Variants in SLC15A2 observed in about 807,000 individuals in gnomAD.
SLC15A2 encodes the protein solute carrier family 15 member 2.
Under a neutral mutation model 95.5 loss-of-function variants are expected in SLC15A2, and 77 were observed. The observed-to-expected ratio is 0.81, with a 90% CI of 0.67 to 0.97. The LOEUF (loss-of-function observed/expected upper bound fraction) is 0.97, where lower values mean the gene tolerates loss of function less well. Among genes scored for constraint, SLC15A2 ranks in the 50% least tolerant of loss-of-function variants. The pLI, the probability that SLC15A2 is intolerant of heterozygous loss-of-function variation, is 0.00. For synonymous variants in SLC15A2, 306 were observed against 306.9 expected (o/e 1.00, Z 0.03); for missense variants, 893 against 874.4 (o/e 1.02, Z -0.27).
At chr3:121,906,174 T>C (rs1709638264) in intron 3 of SLC15A2, among the ~76,000 whole-genome samples, 1 of 152,206 alleles carries the variant, frequency 6.6e-6, no homozygotes, top group South Asian at 2.1e-4. Flanking sequence ...TTGCAACCCC[T>C]GCTTTTTTTT....
intron 3 of SLC15A2, among the ~76,000 whole-genome samples, chr3:121,899,615 A>G (rs191672952): frequency 3.2e-4 from 48 of 152,296 alleles, no homozygotes; most frequent in African/African-American, 1.2e-3. Context: ...GTAATATAAT[A>G]TAATGCAATA....
rs550684269 is a variant in SLC15A2, at chr3:121,901,153, G to A, written c.335+3624G>A. ...CCTGCCTCAGCCTCCTGAGTATCTG[G>A]GATTATATGCATGTACCACCATGCC... On this transcript the variant is annotated intron_variant, in intron 3 of 21. Transcript: ENST00000489711. Among the ~76,000 whole-genome samples, 7 of 152,044 alleles carry A rather than the reference G, an allele frequency of 4.6e-5. No homozygotes were observed. In the South Asian group the frequency reaches 1.5e-3, roughly 32 times the overall value.
intron 3 of SLC15A2, among the ~76,000 whole-genome samples, chr3:121,902,524 G>C (rs1179629899): frequency 6.6e-6 from 1 of 152,136 alleles, no homozygotes; most frequent in African/African-American, 2.4e-5. Flanking sequence ...TCCACCCCAT[G>C]ACAGGCCCCC....
chr3:121,920,389 A>T (rs1365128909), intron 7 of SLC15A2, among the ~76,000 whole-genome samples: 1 of 152,062 alleles, frequency 6.6e-6, no homozygotes, highest in Non-Finnish European at 1.5e-5. Context: ...TCCGCCTCTG[A>T]GGTTCAAGTG....
chr3:121,918,561 G>GT (rs1269765269), intron 7 of SLC15A2, among the ~76,000 whole-genome samples: 2 of 149,560 alleles, frequency 1.3e-5, no homozygotes, highest in Non-Finnish European at 3.0e-5. Flanking sequence ...GAAGAGTAAG[G>GT]TTAAAAAAAA....
intron 19 of SLC15A2, among the ~76,000 whole-genome samples, chr3:121,935,872 A>T (rs1466508475): frequency 6.6e-6 from 1 of 151,712 alleles, no homozygotes; most frequent in Non-Finnish European, 1.5e-5. Context: ...GTCAATTTTG[A>T]ATCTTTCCTG....
At chr3:121,927,897 C>A in intron 14 of SLC15A2, 58 bp downstream of exon 14, 1 of 1,326,616 alleles carries the variant, frequency 7.5e-7, no homozygotes, top group South Asian at 1.2e-5. Flanking sequence ...CTTATTTGCT[C>A]TTTTGACTTG....
At chr3:121,925,170 G>A in intron 13 of SLC15A2, 137 bp downstream of exon 13, 1 of 680,716 alleles carries the variant, frequency 1.5e-6, no homozygotes. Flanking sequence ...ATTTTTCCAT[G>A]TTAGACTAAC....
At position 121,894,499 on chromosome 3, in the gene SLC15A2, A is replaced by G. The variant is rs778651079; in HGVS notation, c.23A>G (p.Glu8Gly). 3 of 1,613,184 alleles carry G rather than the reference A, an allele frequency of 1.9e-6. No individual in the cohort carries two copies. The highest frequency in any genetic ancestry group is 1.7e-6 in the Non-Finnish European group (2 of 1,179,588). The change falls in exon 1 of 22, where the codon GAG becomes GGG. Residue 8 changes from glutamate to glycine, a missense_variant. Physicochemically the swap from Glu to Gly is moderately conservative, Grantham distance 98 (BLOSUM62 -2). Transcript: ENST00000489711. ...GCCATGAATCCTTTCCAGAAAAATG[A>G]GTCCAAGGAAACTCTTTTTTCACCT... is the stretch of plus-strand genomic sequence containing the variant. MNPFQKNESKETLFSPVS... is the reference protein window; with the variant it reads MNPFQKNGSKETLFSPVS...
intron 18 of SLC15A2, among the ~76,000 whole-genome samples, 161 bp downstream of exon 18, chr3:121,931,111 T>C (rs1710224823): frequency 2.0e-5 from 3 of 152,322 alleles, no homozygotes; most frequent in South Asian, 2.1e-4. Context: ...TCAGTCTCAC[T>C]TTTTTTCTGC....
chr3:121,937,073 A>G (rs1710362115), intron 19 of SLC15A2, among the ~76,000 whole-genome samples: 1 of 140,204 alleles, frequency 7.1e-6, no homozygotes, highest in Non-Finnish European at 1.5e-5. Context: ...TCTTTTCTTT[A>G]AGAATGTTGA....
At position 121,913,035 on chromosome 3, in the gene SLC15A2, T is replaced by G. The variant is rs1709805490; in HGVS notation, c.443T>G (p.Ile148Ser). ...GQVVHTVLSL[I>S]GLSLIALGTG... is the part of the protein sequence containing the mutation. ...CTCCATTTCAGAGTCCTATCATTGA[T>G]CGGCCTGAGTCTAATAGCTTTGGGG... The change falls in exon 5 of 22, where the codon ATC becomes AGC. Residue 148 changes from isoleucine (I) to serine (S), a missense_variant. By Grantham distance (142) the Ile-to-Ser change is moderately radical. Transcript: ENST00000489711. The G allele has an allele frequency of 6.2e-7, 1 of 1,613,192 alleles. No homozygotes were observed. The highest frequency in any genetic ancestry group is 1.3e-5 in the African/African-American group (1 of 75,056).
At chr3:121,912,885 G>A (rs1368724018) in intron 4 of SLC15A2, 136 bp from the exon 5 acceptor site, 1 of 626,000 alleles carries the variant, frequency 1.6e-6, no homozygotes, top group East Asian at 2.6e-5. Flanking sequence ...AAGGCAAATG[G>A]AAAGTACCCA....
At chr3:121,930,691 A>G (rs565827946) in intron 17 of SLC15A2, 149 bp from the exon 18 acceptor site, 98 of 569,636 alleles carry the variant, frequency 1.7e-4, no homozygotes, top group African/African-American at 1.7e-3. Flanking sequence ...CTAGTTAACA[A>G]TATACATTAG....
intron 3 of SLC15A2, among the ~76,000 whole-genome samples, chr3:121,910,590 T>C (rs1192006868): frequency 2.2e-4 from 34 of 152,178 alleles, no homozygotes; most frequent in Non-Finnish European, 5.9e-5. Flanking sequence ...GAAATCCACA[T>C]CCTGAGAGTT....
intron 7 of SLC15A2, among the ~76,000 whole-genome samples, chr3:121,921,165 T>C (rs956065882): frequency 1.4e-4 from 21 of 152,316 alleles, no homozygotes; most frequent in Admixed American, 2.0e-4. Flanking sequence ...AGAAATAGTA[T>C]AGAACAGAAG....
chr3:121,925,669 G>A (rs1254064502), intron 13 of SLC15A2, among the ~76,000 whole-genome samples: 5 of 94,792 alleles, frequency 5.3e-5, no homozygotes, highest in African/African-American at 2.2e-4. Context: ...TATAAATCAA[G>A]CAAAAAAAAA....
chr3:121,923,103 A>G lies in SLC15A2; in HGVS notation c.931A>G (p.Met311Val), dbSNP rs763280240. ...ACTATTCCTTTATATCCCATTGCCC[A>G]TGTTCTGGGCTCTTTTGGATCAGCA... is the stretch of plus-strand genomic sequence containing the variant. ...RVLFLYIPLP[M>V]FWALLDQQGS... Residue 311 changes from methionine (M) to valine (V), a missense_variant, in exon 10 of 22, where the codon ATG becomes GTG. By Grantham distance (21) the Met-to-Val change is conservative (BLOSUM62 1). Coordinates refer to ENST00000489711, the MANE Select transcript of SLC15A2 (RefSeq NM_021082.4). 9 of 1,613,954 alleles carry G rather than the reference A, an allele frequency of 5.6e-6. No individual in the cohort carries two copies. Among genetic ancestry groups the G allele is most frequent in the Non-Finnish European group, 6.8e-6 (8 of 1,179,878 alleles).
At chr3:121,923,382 T>C in intron 11 of SLC15A2, 116 bp downstream of exon 11, 1 of 1,026,228 alleles carries the variant, frequency 9.7e-7, no homozygotes, top group Non-Finnish European at 1.5e-6. Context: ...AGAGAAGTGC[T>C]TTTAGCCTGA....
Sources: gnomAD v4.1 joint callset for allele counts (sites outside exome capture counted in the v4.1 genomes callset) on GRCh38, gnomAD v4.1.1 for gene constraint, MANE v1.5 for transcripts, NCBI Gene and HGNC (gene_info 2026-07-23, HGNC 2026-07-21) for gene names.